Variants in FGF13 observed in about 807,000 individuals in gnomAD.
The protein encoded by FGF13 is fibroblast growth factor homologous factor 2.
FGF13 carries 2 observed loss-of-function variants against 19.5 expected under a neutral mutation model. That is an observed-to-expected ratio of 0.10 (90% CI 0.04 to 0.32). The LOEUF (loss-of-function observed/expected upper bound fraction) is 0.32. FGF13 is among the 10% of genes least tolerant of loss of function. The probability of loss-of-function intolerance (pLI) is 1.00; values close to 1 mark genes in which losing one functional copy is unlikely to be tolerated. For missense variants in FGF13, 113 were observed against 192.7 expected, an observed-to-expected ratio of 0.59 and a Z score of 2.45; for synonymous variants, 72 against 76.9, an observed-to-expected ratio of 0.94 and a Z score of 0.33.
chrX:138,859,531 T>G (rs1367424274), intron 2 of FGF13, among the ~76,000 whole-genome samples: 1 of 112,561 alleles, frequency 8.9e-6, no homozygotes, highest in Non-Finnish European at 1.9e-5. Flanking sequence ...CTGTCTTCCA[T>G]TTTCATTGCT....
chrX:138,973,409 A>G (rs1295618550), intron 1 of FGF13, among the ~76,000 whole-genome samples: 1 of 112,212 alleles, frequency 8.9e-6, no homozygotes, highest in Admixed American at 9.4e-5. Flanking sequence ...CTTGCTTGGC[A>G]GCCTAATATA....
At chrX:138,987,961 C>A (rs1401610633) in intron 1 of FGF13, among the ~76,000 whole-genome samples, 3 of 111,870 alleles carry the variant, frequency 2.7e-5, no homozygotes, top group African/African-American at 6.5e-5. Flanking sequence ...ATAAAAACAG[C>A]CCATTGTTTT....
chrX:139,078,919 G>A (rs769945446), intron 1 of FGF13, among the ~76,000 whole-genome samples: 6 of 112,896 alleles, frequency 5.3e-5, no homozygotes, highest in Non-Finnish European at 9.4e-5. Flanking sequence ...TGCACAAATC[G>A]TGCCAACTCT....
In FGF13 at chrX:138,629,641, A is replaced by G. The variant is rs1162005688; in HGVS notation, c.*3209T>C. 8.9e-6 allele frequency: 1 copy of G among 111,798 alleles called. No homozygotes were observed. Among genetic ancestry groups the G allele is most frequent in the Non-Finnish European group, 1.9e-5 (1 of 53,217 alleles). The allele number at this position is 111,798 out of a possible 1,213,427, so 9.2% of individuals were successfully genotyped here. A position where few individuals can be genotyped will look rare whatever the true frequency, so the allele number is the denominator to read the frequency against. On this transcript the variant is annotated 3_prime_UTR_variant, in exon 5 of 5. Coordinates refer to ENST00000315930, the MANE Select transcript of FGF13 (RefSeq NM_004114.5). ...CCCCAGCCATGCAGAACTGTGAGTC[A>G]ATTAAACCTCTTTCCTTTATAAATT...
At chrX:138,883,518 A>G (rs1337657623) in intron 1 of FGF13, among the ~76,000 whole-genome samples, 1 of 111,572 alleles carries the variant, frequency 9.0e-6, no homozygotes, top group Non-Finnish European at 1.9e-5. Flanking sequence ...CACGAAGCGG[A>G]GGTATAGAGT....
In FGF13 at chrX:138,867,032, G is replaced by A. The variant is rs190642332; in HGVS notation, c.-112-2382C>T. On this transcript the variant is annotated intron_variant, in intron 1 of 2. Coordinates refer to the FGF13 transcript ENST00000421460. ...CTTACAGATGACCAAACTGAATCTC[G>A]ACGTTTAATTCCTAACAAGGTCACT... Among the ~76,000 whole-genome samples the A allele has an allele frequency of 9.9e-5, 11 of 111,263 alleles. No homozygotes were observed. The South Asian group carries it at 3.1e-3, about 31-fold the overall frequency.
At chrX:138,858,057 A>G (rs1241333804) in intron 2 of FGF13, among the ~76,000 whole-genome samples, 1 of 112,080 alleles carries the variant, frequency 8.9e-6, no homozygotes, top group Non-Finnish European at 1.9e-5. Flanking sequence ...ATATCCACCA[A>G]TTATCAGTAA....
chrX:139,156,744 T>C (rs1240885497), intron 1 of FGF13, among the ~76,000 whole-genome samples: 2 of 112,233 alleles, frequency 1.8e-5, no homozygotes, highest in African/African-American at 3.2e-5. Context: ...AACTCTACCA[T>C]GGGGCACATA....
chrX:138,916,432 T>C (rs1410944653), intron 1 of FGF13, among the ~76,000 whole-genome samples: 2 of 111,809 alleles, frequency 1.8e-5, no homozygotes, highest in Non-Finnish European at 3.8e-5. Context: ...TGTCTGATTA[T>C]GATGCAAAGA....
intron 3 of FGF13, among the ~76,000 whole-genome samples, chrX:138,757,528 AT>A (rs5903980): frequency 0.039 from 4,357 of 110,661 alleles, 234 homozygotes; most frequent in African/African-American, 0.14. Flanking sequence ...TGCTCTGTGA[AT>A]TTTTTTTCTC....
At chrX:138,640,956 A>AT (rs757338535) in intron 3 of FGF13, among the ~76,000 whole-genome samples, 479 of 107,875 alleles carry the variant, frequency 4.4e-3, no homozygotes, top group African/African-American at 0.014. Context: ...TCAAAAACAT[A>AT]TTTTTTTTTT....
intron 1 of FGF13, among the ~76,000 whole-genome samples, chrX:139,057,539 A>T (rs1005646333): frequency 8.9e-6 from 1 of 112,196 alleles, no homozygotes; most frequent in Non-Finnish European, 1.9e-5. Context: ...GAAAACGTGT[A>T]CCCAAAATAA....
chrX:139,194,857 A>C (rs1216037934), intron 1 of FGF13, among the ~76,000 whole-genome samples: 1 of 111,739 alleles, frequency 8.9e-6, no homozygotes, highest in Non-Finnish European at 1.9e-5. Flanking sequence ...CCAGCCACGG[A>C]GCCCTGGCCC....
chrX:138,852,159 T>C (rs1257811267), intron 3 of FGF13, among the ~76,000 whole-genome samples: 1 of 111,982 alleles, frequency 8.9e-6, no homozygotes, highest in Non-Finnish European at 1.9e-5. Flanking sequence ...ATTTATAGAT[T>C]CAATGCTATT....
chrX:138,792,910 T>G (rs760091944), intron 3 of FGF13, among the ~76,000 whole-genome samples: 2 of 111,646 alleles, frequency 1.8e-5, no homozygotes, highest in South Asian at 7.6e-4. Context: ...GTTACCATGT[T>G]TGGAAAAGGG....
chrX:138,929,150 T>G (rs752802788), intron 1 of FGF13, among the ~76,000 whole-genome samples: 54 of 111,584 alleles, frequency 4.8e-4, no homozygotes, highest in African/African-American at 1.6e-3. Context: ...TTCAAGTCAA[T>G]CTCTGTTGGA....
intron 1 of FGF13, among the ~76,000 whole-genome samples, chrX:139,099,377 C>CAAAAAAAA (rs59882808): frequency 0.028 from 914 of 32,905 alleles, 17 homozygotes; most frequent in African/African-American, 0.057. Flanking sequence ...GTTTCTATCT[C>CAAAAAAAA]AAAAAAAAAA....
At chrX:138,786,645 A>G (rs1208144819) in intron 3 of FGF13, among the ~76,000 whole-genome samples, 2 of 84,432 alleles carry the variant, frequency 2.4e-5, no homozygotes, top group African/African-American at 9.0e-5. Context: ...TCACTTAGCC[A>G]AATCCAATGA....
intron 1 of FGF13, among the ~76,000 whole-genome samples, chrX:139,197,069 C>CT (rs2084377916): frequency 8.9e-6 from 1 of 112,198 alleles, no homozygotes; most frequent in East Asian, 2.8e-4. Context: ...CTGAAAAAGT[C>CT]TTTCTCTATC....
Sources: gnomAD v4.1 joint callset for allele counts (sites outside exome capture counted in the v4.1 genomes callset) on GRCh38, gnomAD v4.1.1 for gene constraint, MANE v1.5 for transcripts, NCBI Gene and HGNC (gene_info 2026-07-23, HGNC 2026-07-21) for gene names.